Variants in KCTD19 observed in about 807,000 individuals in gnomAD.
KCTD19 encodes the protein potassium channel tetramerization domain containing 19.
A neutral mutation model predicts 103.5 loss-of-function variants in KCTD19; 67 were observed. The ratio of observed to expected loss-of-function variants is 0.65; its 90% CI spans 0.53 to 0.79. KCTD19 has a LOEUF of 0.79. KCTD19 is among the 30% of genes least tolerant of loss of function. The pLI is 0.00. For synonymous variants in KCTD19, 439 were observed against 452.2 expected, an observed-to-expected ratio of 0.97 and a Z score of 0.37; for missense variants, 980 against 1,136.1, an observed-to-expected ratio of 0.86 and a Z score of 1.98.
At chr16:67,317,262 T>C (rs2077573056) in intron 2 of KCTD19, among the ~76,000 whole-genome samples, 1 of 152,018 alleles carries the variant, frequency 6.6e-6, no homozygotes, top group Non-Finnish European at 1.5e-5. Flanking sequence ...GCAGATTGCT[T>C]GAGGCCAGGA....
At chr16:67,322,146 A>G (rs2037081253) in intron 1 of KCTD19, among the ~76,000 whole-genome samples, 1 of 152,216 alleles carries the variant, frequency 6.6e-6, no homozygotes, top group Non-Finnish European at 1.5e-5. Flanking sequence ...GATTCAATGG[A>G]CAAAGAATAG....
Position 67,326,720 on chromosome 16 carries a change from A to G in KCTD19, c.-13T>C, listed in dbSNP as rs1348640854. 3.8e-6 allele frequency: 6 copies of G among 1,574,588 alleles called. No individual in the cohort carries two copies. The African/African-American group carries it at 4.2e-5, about 11-fold the overall frequency. The stretch of plus-strand genomic sequence containing the variant: ...GGCTCCGTACCATGGTCGCGGCTCC[A>G]GCAGCGGGCGGGCGGGCTTGTGACC... On this transcript the variant is annotated 5_prime_UTR_variant, in exon 1 of 16. Transcript: ENST00000304372.
In KCTD19 at chr16:67,294,624, C is replaced by G; in HGVS notation, c.1546G>C (p.Glu516Gln). ...FSIRRLHVVT[E>Q]GPGSLVEFSR... Reference sequence around the variant, plus strand: ...AACTCCACCAGTGACCCTGGCCCTTCTGTCACCACATGCAGCCTCCTGATG... The same window carrying G: ...AACTCCACCAGTGACCCTGGCCCTTGTGTCACCACATGCAGCCTCCTGATG... The change falls in exon 11 of 16, where the codon GAA (glutamate) becomes CAA (glutamine). Residue 516 changes from glutamate to glutamine, a missense_variant. Physicochemically the swap from Glu to Gln is conservative, Grantham distance 29. Transcript: ENST00000304372. The G allele has an allele frequency of 6.2e-7, 1 of 1,614,182 alleles. No individual in the cohort carries two copies. Among genetic ancestry groups the G allele is most frequent in the Middle Eastern group, 1.6e-4 (1 of 6,062 alleles).
intron 13 of KCTD19, 55 bp downstream of exon 13, chr16:67,291,591 G>C: frequency 6.3e-7 from 1 of 1,580,698 alleles, no homozygotes; most frequent in Non-Finnish European, 8.6e-7. Context: ...CCTGGGAGGG[G>C]GCTCAGGCAT....
At position 67,297,561 on chromosome 16, in the gene KCTD19, G is replaced by C; in HGVS notation, c.1089C>G (p.Ile363Met). The C allele has an allele frequency of 6.2e-7, 1 of 1,614,118 alleles. No homozygotes were observed. Among genetic ancestry groups the C allele is most frequent in the Non-Finnish European group, 8.5e-7 (1 of 1,180,022 alleles). The change falls in exon 7 of 16, where the codon ATC becomes ATG. Residue 363 changes from isoleucine (I) to methionine (M), a missense_variant. Coordinates refer to ENST00000304372, the MANE Select transcript of KCTD19 (RefSeq NM_001100915.3). The part of the protein sequence containing the change: ...LDKRDITYEP[I>M]KVALKTHLEP... ...CCAGATGAGTCTTCAAAGCAACTTT[G>C]ATTGGCTCGTAGGTGATGTCCCTTT...
Position 67,299,519 on chromosome 16 carries a change from G to C in KCTD19, c.830C>G (p.Thr277Arg), listed in dbSNP as rs964870211. The change falls in exon 6 of 16, where the codon ACA (threonine) becomes AGA (arginine). Residue 277 changes from threonine to arginine, a missense_variant. By Grantham distance (71) the Thr-to-Arg change is moderately conservative. Transcript: ENST00000304372. Reference protein sequence around the residue: ...SPLSPGKGARTASLESVKPLY... With the variant: ...SPLSPGKGARRASLESVKPLY... ...CGGTTTCACGGACTCCAGGCTGGCT[G>C]TGCGGGCCCCCTTCCCGGGGCTCAG... 1 of 1,613,580 alleles carries C rather than the reference G, an allele frequency of 6.2e-7. No individual in the cohort carries two copies. Among genetic ancestry groups the C allele is most frequent in the East Asian group, 2.2e-5 (1 of 44,854 alleles).
At chr16:67,319,844 C>T (rs915804728) in intron 2 of KCTD19, among the ~76,000 whole-genome samples, 1 of 151,004 alleles carries the variant, frequency 6.6e-6, no homozygotes, top group Admixed American at 6.6e-5. Context: ...ATGTTGTGTA[C>T]CTAACAGACA....
chr16:67,319,020 C>T (rs778558142), intron 2 of KCTD19, among the ~76,000 whole-genome samples: 26 of 152,004 alleles, frequency 1.7e-4, no homozygotes, highest in Non-Finnish European at 3.5e-4. Context: ...GTCAGGAGTT[C>T]GAGACCAGCC....
At chr16:67,319,172 G>A (rs768458775) in intron 2 of KCTD19, among the ~76,000 whole-genome samples, 41 of 151,648 alleles carry the variant, frequency 2.7e-4, no homozygotes, top group Middle Eastern at 6.8e-3. Flanking sequence ...GCAGTGAGCC[G>A]AGATGGCGCC....
rs747644390 is a variant in KCTD19 at position 67,294,001 on chromosome 16, T to C, written c.1761A>G (p.Thr587=). The C allele has an allele frequency of 2.2e-5, 36 of 1,614,148 alleles. 1 individual carries two copies. In the South Asian group the frequency reaches 4.0e-4, roughly 18 times the overall value. The part of the protein sequence containing the change: ...RNAKRAGNPS[T]YSHCRGLCTN... ...TACACAAGCCACGGCAGTGTGAGTA[T>C]GTGCTAGGGTTGCCAGCCCTCTTGG... The change falls in exon 12 of 16, where the codon ACA becomes ACG. Residue 587 remains threonine, a synonymous_variant. Transcript: ENST00000304372.
In KCTD19 at chr16:67,326,683, C is replaced by G. The variant is rs770538081; in HGVS notation, c.3+22G>C. The G allele has an allele frequency of 2.1e-5, 33 of 1,582,134 alleles. 1 individual carries two copies. In the Admixed American group the frequency reaches 4.7e-4, roughly 22 times the overall value. Reference sequence around the variant, plus strand: ...TCGCCGCTTTGGTGCTTTTGGCGCCCCCGCCAGAGCGGGCTCCGTACCATG... The same window carrying G: ...TCGCCGCTTTGGTGCTTTTGGCGCCGCCGCCAGAGCGGGCTCCGTACCATG... On this transcript the variant is annotated intron_variant, in intron 1 of 15. Coordinates refer to ENST00000304372, the MANE Select transcript of KCTD19 (RefSeq NM_001100915.3).
intron 13 of KCTD19, 30 bp downstream of exon 13, chr16:67,291,616 G>T (rs181367000): frequency 6.2e-7 from 1 of 1,601,256 alleles, no homozygotes; most frequent in African/African-American, 1.3e-5. Context: ...ACGAGGAGGC[G>T]CAGGGCTCGG....
intron 15 of KCTD19, among the ~76,000 whole-genome samples, chr16:67,289,996 T>C (rs1386651363): frequency 1.3e-5 from 2 of 152,184 alleles, no homozygotes; most frequent in African/African-American, 4.8e-5. Context: ...AACTGGGTAC[T>C]AGAGGGCTTG....
At chr16:67,299,013 C>CT (rs1232791180) in intron 6 of KCTD19, among the ~76,000 whole-genome samples, 2 of 152,238 alleles carry the variant, frequency 1.3e-5, no homozygotes, top group African/African-American at 4.8e-5. Flanking sequence ...GGCGGAGGAC[C>CT]TTTGTAGAGG....
At chr16:67,295,123 C>T in intron 9 of KCTD19, 67 bp from the exon 10 acceptor site, 1 of 1,562,774 alleles carries the variant, frequency 6.4e-7, no homozygotes, top group Non-Finnish European at 8.8e-7. Flanking sequence ...GCATGAGCTC[C>T]TGGAACTGCC....
intron 1 of KCTD19, among the ~76,000 whole-genome samples, chr16:67,325,507 G>T (rs1293815677): frequency 6.6e-6 from 1 of 152,004 alleles, no homozygotes; most frequent in Non-Finnish European, 1.5e-5. Flanking sequence ...CTCCCAAAGT[G>T]CTGGGATTAC....
At chr16:67,292,090 CCT>C (rs1360363950) in intron 12 of KCTD19, among the ~76,000 whole-genome samples, 5 of 152,202 alleles carry the variant, frequency 3.3e-5, no homozygotes, top group Admixed American at 1.3e-4. Context: ...GTCTCGAACT[CCT>C]GACCTTAGGT....
chr16:67,298,749 T>G (rs2036797802), intron 6 of KCTD19, among the ~76,000 whole-genome samples: 1 of 152,210 alleles, frequency 6.6e-6, no homozygotes, highest in African/African-American at 2.4e-5. Flanking sequence ...TACCTTCCAT[T>G]TTGGTGCCAG....
intron 6 of KCTD19, 126 bp downstream of exon 6, chr16:67,299,236 TA>T: frequency 1.2e-6 from 1 of 855,078 alleles, no homozygotes; most frequent in Non-Finnish European, 1.9e-6. Flanking sequence ...TGGTAATGGC[TA>T]AAATGATGGG....
Sources: allele counts gnomAD v4.1 joint callset (sites outside exome capture counted in the v4.1 genomes callset), GRCh38; gene constraint gnomAD v4.1.1; transcripts MANE v1.5; gene names NCBI Gene and HGNC (gene_info 2026-07-23, HGNC 2026-07-21).